KIAA1217: variants seen among roughly 807,000 people sequenced by gnomAD.
KIAA1217 encodes the protein KIAA1217, also known as sickle tail protein homolog.
A neutral mutation model predicts 163.9 loss-of-function variants in KIAA1217; 88 were observed. That is an observed-to-expected ratio of 0.54 (90% CI 0.45 to 0.64). KIAA1217 has a LOEUF of 0.64. Among genes scored for constraint, KIAA1217 ranks in the 30% least tolerant of loss-of-function variants. The pLI is 0.00. For synonymous variants in KIAA1217, 903 were observed against 923.1 expected, an observed-to-expected ratio of 0.98 and a Z score of 0.39; for missense variants, 2,372 against 2,475.0, an observed-to-expected ratio of 0.96 and a Z score of 0.88.
intron 5 of KIAA1217, chr10:24,466,766 A>AAAT: frequency 1.0e-6 from 1 of 985,440 alleles, no homozygotes; most frequent in Non-Finnish European, 1.2e-6. Flanking sequence ...GGCGTTAGTT[A>AAAT]CACAGGTGAT....
Position 24,501,729 on chromosome 10 carries a change from C to CTT in KIAA1217, c.2001+220_2001+221dup, listed in dbSNP as rs71397953. On this transcript the variant is annotated intron_variant, in intron 9 of 20. Transcript: ENST00000376454. Reference sequence around the variant, plus strand: ...AACTATAGTCAATCTATAACCACTTCTTTTTTTTTTTTTTTTTTTTTTTTT... The same window carrying CTT: ...AACTATAGTCAATCTATAACCACTTCTTTTTTTTTTTTTTTTTTTTTTTTTTT... 2.2e-3 allele frequency among the ~76,000 whole-genome samples: 114 copies of CTT among 51,492 alleles called. 33 individuals are homozygous for CTT. The highest frequency in any genetic ancestry group is 4.6e-3 in the East Asian group (6 of 1,294). The allele number at this position is 51,492 out of a possible 152,430, so 33.8% of individuals were successfully genotyped here.
At chr10:24,451,455 GACATCAAC>G (rs1375728306) in intron 5 of KIAA1217, among the ~76,000 whole-genome samples, 1 of 152,230 alleles carries the variant, frequency 6.6e-6, no homozygotes, top group Admixed American at 6.5e-5. Flanking sequence ...TGAAGATTGA[GACATCAAC>G]ACAGCAGCAA....
intron 1 of KIAA1217, among the ~76,000 whole-genome samples, chr10:23,844,470 T>G (rs1838928144): frequency 6.6e-6 from 1 of 152,230 alleles, no homozygotes; most frequent in Non-Finnish European, 1.5e-5. Context: ...GAGTTACTCA[T>G]GACCTGTGTT....
At chr10:24,151,881 G>A (rs2064632963) in intron 2 of KIAA1217, among the ~76,000 whole-genome samples, 1 of 152,064 alleles carries the variant, frequency 6.6e-6, no homozygotes, top group South Asian at 2.1e-4. Flanking sequence ...CTGGTTAGTG[G>A]CAAAGCTATG....
At chr10:24,380,614 CAATA>C (rs56384961) in intron 2 of KIAA1217, among the ~76,000 whole-genome samples, 98,189 of 145,398 alleles carry the variant, frequency 0.68, 35,203 homozygotes, top group Non-Finnish European at 0.81. Flanking sequence ...TGCACTCTGG[CAATA>C]AATAAATAAA....
intron 1 of KIAA1217, among the ~76,000 whole-genome samples, chr10:23,975,928 C>T (rs972092108): frequency 6.6e-6 from 1 of 152,100 alleles, no homozygotes; most frequent in African/African-American, 2.4e-5. Flanking sequence ...TCTTGATGAC[C>T]TGTCAGGGCT....
At chr10:23,868,144 A>G (rs1840284561) in intron 1 of KIAA1217, among the ~76,000 whole-genome samples, 1 of 151,992 alleles carries the variant, frequency 6.6e-6, no homozygotes, top group Non-Finnish European at 1.5e-5. Context: ...CTCAGGACAC[A>G]TTTCTACATG....
At chr10:24,071,076 T>C (rs934078117) in intron 2 of KIAA1217, among the ~76,000 whole-genome samples, 2 of 152,162 alleles carry the variant, frequency 1.3e-5, no homozygotes, top group Non-Finnish European at 2.9e-5. Context: ...GAAGGGAACA[T>C]TGTGGCATCA....
intron 1 of KIAA1217, among the ~76,000 whole-genome samples, chr10:23,699,607 C>T (rs1333627665): frequency 6.6e-6 from 1 of 152,058 alleles, no homozygotes; most frequent in East Asian, 1.9e-4. Flanking sequence ...TGAAGTTGTC[C>T]AATACTTCCC....
intron 1 of KIAA1217, among the ~76,000 whole-genome samples, chr10:23,924,901 G>T (rs982246065): frequency 2.6e-5 from 4 of 151,796 alleles, no homozygotes; most frequent in African/African-American, 9.7e-5. Flanking sequence ...AATGAATTTA[G>T]AAATATTCTT....
At chr10:24,406,302 T>C (rs563145510) in intron 3 of KIAA1217, among the ~76,000 whole-genome samples, 6 of 152,288 alleles carry the variant, frequency 3.9e-5, no homozygotes, top group Non-Finnish European at 8.8e-5. Flanking sequence ...AAACCACAAA[T>C]CTATGGATGT....
intron 5 of KIAA1217, among the ~76,000 whole-genome samples, chr10:24,448,862 C>G (rs1391565575): frequency 1.3e-5 from 2 of 152,272 alleles, no homozygotes; most frequent in East Asian, 3.9e-4. Context: ...ATGCAAGATC[C>G]TGAAGATATA....
At chr10:24,469,767 A>G (rs2063307674) in intron 5 of KIAA1217, among the ~76,000 whole-genome samples, 1 of 152,004 alleles carries the variant, frequency 6.6e-6, no homozygotes, top group Non-Finnish European at 1.5e-5. Flanking sequence ...GCATGCCACC[A>G]TGCCCAGCTA....
intron 2 of KIAA1217, among the ~76,000 whole-genome samples, chr10:24,265,923 A>C (rs933446951): frequency 6.6e-6 from 1 of 152,188 alleles, no homozygotes; most frequent in African/African-American, 2.4e-5. Flanking sequence ...TTCAGAGAGA[A>C]ACAAAAGAAC....
intron 5 of KIAA1217, among the ~76,000 whole-genome samples, chr10:24,459,220 C>G (rs543688469): frequency 1.1e-4 from 16 of 152,250 alleles, no homozygotes; most frequent in Admixed American, 4.6e-4. Flanking sequence ...TTAGTTCCTG[C>G]CTGGAATACC....
chr10:24,492,766 A>G (rs1396667705), intron 6 of KIAA1217, among the ~76,000 whole-genome samples: 1 of 152,192 alleles, frequency 6.6e-6, no homozygotes, highest in East Asian at 1.9e-4. Context: ...ACCCTTGAAT[A>G]TCATCTTGAT....
intron 1 of KIAA1217, among the ~76,000 whole-genome samples, chr10:23,882,178 A>G (rs1270087016): frequency 6.6e-6 from 1 of 151,944 alleles, no homozygotes; most frequent in Non-Finnish European, 1.5e-5. Flanking sequence ...TCTATACCAA[A>G]TACACTATCA....
At chr10:24,120,975 C>T (rs1254178746) in intron 2 of KIAA1217, among the ~76,000 whole-genome samples, 1 of 152,192 alleles carries the variant, frequency 6.6e-6, no homozygotes, top group Non-Finnish European at 1.5e-5. Context: ...ACATTAAATC[C>T]TCCTTACTTT....
At chr10:24,389,550 T>TAA (rs113154724) in intron 3 of KIAA1217, among the ~76,000 whole-genome samples, 154 of 138,430 alleles carry the variant, frequency 1.1e-3, no homozygotes, top group African/African-American at 3.8e-3. Context: ...TAAAGTATAA[T>TAA]AAAAAAAAAA....
Sources: gnomAD v4.1 joint callset for allele counts (sites outside exome capture counted in the v4.1 genomes callset) on GRCh38, gnomAD v4.1.1 for gene constraint, MANE v1.5 for transcripts, NCBI Gene and HGNC (gene_info 2026-07-23, HGNC 2026-07-21) for gene names.